Variants in FCAMR observed in about 807,000 individuals in gnomAD.
The protein encoded by FCAMR is Fc alpha and mu receptor.
Under a neutral mutation model 52.2 loss-of-function variants are expected in FCAMR, and 51 were observed. The ratio of observed to expected loss-of-function variants is 0.98; its 90% confidence interval spans 0.78 to 1.23. The LOEUF is 1.23. Ranked by LOEUF, FCAMR falls within the 50% of genes most tolerant of loss-of-function variation. The pLI is 0.00. For synonymous variants in FCAMR, 282 were observed against 262.0 expected (o/e 1.08, Z -0.74); for missense variants, 719 against 712.6 (o/e 1.01, Z -0.10).
intron 3 of FCAMR, 94 bp downstream of exon 3, chr1:206,966,958 T>C: frequency 8.0e-7 from 1 of 1,246,360 alleles, no homozygotes; most frequent in Non-Finnish European, 1.2e-6. Context: ...CCTGGACAGT[T>C]TTACCATACC....
chr1:206,958,194 C>G lies in FCAMR; in HGVS notation c.*322G>C, dbSNP rs1253974440. 2 of 243,910 alleles carry G rather than the reference C, an allele frequency of 8.2e-6. No homozygotes were observed. The highest frequency in any genetic ancestry group is 1.9e-4 in the East Asian group (2 of 10,402). 15.1% of individuals were successfully genotyped at this position (243,910 alleles called of 1,614,324 possible). ...GGGAGTGTTGATAGGGGATTTGTCA[C>G]TTTCCACACTGATTGGAAGCCTCTT... On this transcript the variant is annotated 3_prime_UTR_variant, in exon 8 of 8. Transcript: ENST00000324852.
intron 4 of FCAMR, 98 bp from the exon 5 acceptor site, chr1:206,962,649 G>A: frequency 5.1e-6 from 5 of 971,612 alleles, no homozygotes; most frequent in Non-Finnish European, 7.4e-6. Flanking sequence ...TAGGGGTCAA[G>A]TCAGAAAATA....
intron 2 of FCAMR, 101 bp from the exon 3 acceptor site, chr1:206,967,213 G>C: frequency 8.2e-7 from 1 of 1,216,216 alleles, no homozygotes; most frequent in Middle Eastern, 2.1e-4. Flanking sequence ...ATCTCGGTTT[G>C]CTCAGTGCAG....
intron 2 of FCAMR, 75 bp from the exon 3 acceptor site, chr1:206,967,187 A>G (rs1307194255): frequency 1.3e-6 from 2 of 1,483,572 alleles, no homozygotes; most frequent in African/African-American, 1.4e-5. Flanking sequence ...GAGAACAAGC[A>G]TCTTCTCACT....
intron 4 of FCAMR, among the ~76,000 whole-genome samples, chr1:206,963,934 T>C (rs1680608011): frequency 6.6e-6 from 1 of 152,208 alleles, no homozygotes; most frequent in Non-Finnish European, 1.5e-5. Flanking sequence ...TCTGCCCTGC[T>C]CTGTGGTCAT....
Position 206,967,647 on chromosome 1 carries a change from A to G in FCAMR, c.44T>C (p.Val15Ala). The G allele has an allele frequency of 1.9e-6, 3 of 1,614,014 alleles. No homozygotes were observed. The highest frequency in any genetic ancestry group is 2.2e-5 in the East Asian group (1 of 44,886). ...ATVKPGEQKEVVRRGREVDYS... is the reference protein window; with the variant it reads ...ATVKPGEQKEAVRRGREVDYS... Reference sequence around the variant, plus strand: ...GTCCACTTCTCTTCCTCTCCTCACCACTTCCTGTTTGCAGAAGGGGAATTG... The same window carrying G: ...GTCCACTTCTCTTCCTCTCCTCACCGCTTCCTGTTTGCAGAAGGGGAATTG... Residue 15 changes from valine to alanine, a missense_variant, in exon 2 of 8, where the codon GTG becomes GCG. Val to Ala is a moderately conservative substitution (Grantham distance 64). Transcript: ENST00000324852.
intron 1 of FCAMR, 136 bp downstream of exon 1, chr1:206,969,951 C>T (rs1890864): frequency 0.17 from 170,688 of 985,284 alleles, 15,664 homozygotes; most frequent in East Asian, 0.26. Context: ...ACTCTAGAAC[C>T]CTTACCTGGC....
intron 6 of FCAMR, chr1:206,960,021 G>T: frequency 3.6e-6 from 2 of 552,514 alleles, no homozygotes; most frequent in Non-Finnish European, 6.5e-6. Flanking sequence ...ATCTGTGTGT[G>T]GGCCCTGCGA....
chr1:206,962,392 G>C lies in FCAMR; in HGVS notation c.473C>G (p.Thr158Ser), dbSNP rs1680545822. The stretch of plus-strand genomic sequence containing the variant: ...ATAGCGATGGTGAGTATACTGGTTG[G>C]TGGACACAATGGTCTGGCAGATCCA... ...PRWICQTIVSTNQYTHHRYRD... is the reference protein window; with the variant it reads ...PRWICQTIVSSNQYTHHRYRD... The change falls in exon 5 of 8, where the codon ACC becomes AGC. Residue 158 changes from threonine (T) to serine (S), a missense_variant. Transcript: ENST00000324852. 6.2e-7 allele frequency: 1 copy of C among 1,614,082 alleles called. No homozygotes were observed. The highest frequency in any genetic ancestry group is 8.5e-7 in the Non-Finnish European group (1 of 1,180,028).
Position 206,960,645 on chromosome 1 carries a change from G to A in FCAMR, c.1231C>T (p.Pro411Ser). The change falls in exon 6 of 8, where the codon CCA becomes TCA. Residue 411 changes from proline (P) to serine (S), a missense_variant. By Grantham distance (74) the Pro-to-Ser change is moderately conservative. Transcript: ENST00000324852. ...CCCAAGGTCCACATGCCTGCAGCTG[G>A]AGTTGTTTCTCCAATGGAACCCTGA... is the stretch of plus-strand genomic sequence containing the variant. Reference protein sequence around the residue: ...QSQGSIGETTPAAGMWTLGTP... With the variant: ...QSQGSIGETTSAAGMWTLGTP... 6.4e-7 allele frequency: 1 copy of A among 1,551,980 alleles called. No individual in the cohort carries two copies. The highest frequency in any genetic ancestry group is 8.7e-7 in the Non-Finnish European group (1 of 1,147,046).
In FCAMR at chr1:206,967,781, C is replaced by T. The variant is rs1459186284; in HGVS notation, c.40-130G>A. On this transcript the variant is annotated intron_variant, in intron 1 of 7. Coordinates refer to ENST00000324852, the MANE Select transcript of FCAMR (RefSeq NM_001170631.2). ...TAGCTCTCTGCACTAGGGTGCTATT[C>T]TGTTTCTTCTCCACAACTTCTAGAA... 1.5e-5 allele frequency: 12 copies of T among 781,130 alleles called. No homozygotes were observed. The East Asian group carries it at 1.8e-4, about 12-fold the overall frequency. The allele number at this position is 781,130 out of a possible 1,614,324, so 48.4% of individuals were successfully genotyped here. A position where few individuals can be genotyped will look rare whatever the true frequency, so the allele number is the denominator to read the frequency against.
At position 206,958,445 on chromosome 1, in the gene FCAMR, G is replaced by C; in HGVS notation, c.*71C>G. 2.1e-6 allele frequency: 3 copies of C among 1,457,164 alleles called. No homozygotes were observed. Among genetic ancestry groups the C allele is most frequent in the Non-Finnish European group, 2.8e-6 (3 of 1,087,314 alleles). 90.3% of individuals were successfully genotyped at this position (1,457,164 alleles called of 1,614,324 possible). ...AGGTGGAGGAAGGATGATGGAAAGA[G>C]GCTGGGGTCCTGAAGGCCTTTGATC... On this transcript the variant is annotated 3_prime_UTR_variant, in exon 8 of 8. Coordinates refer to ENST00000324852, the MANE Select transcript of FCAMR (RefSeq NM_001170631.2).
rs1363441394 is a variant in FCAMR, at chr1:206,961,190, G to A, written c.686C>T (p.Ala229Val). 6.4e-7 allele frequency: 1 copy of A among 1,551,024 alleles called. No homozygotes were observed. Among genetic ancestry groups the A allele is most frequent in the Admixed American group, 2.0e-5 (1 of 50,970 alleles). Residue 229 changes from alanine to valine, a missense_variant, in exon 6 of 8, where the codon GCT becomes GTT. Transcript: ENST00000324852. ...GGATCTCATGGTGAGCTCCCCAGCA[G>A]CTGGAGTGGCTGTGGGGAGGGTGCT... The part of the protein sequence containing the change: ...PASTLPTATP[A>V]AGELTMRSYG...
In FCAMR at chr1:206,960,601, C is replaced by T; in HGVS notation, c.1275G>A (p.Val425=). The T allele has an allele frequency of 1.3e-6, 2 of 1,551,864 alleles. No homozygotes were observed. Among genetic ancestry groups the T allele is most frequent in the Non-Finnish European group, 1.7e-6 (2 of 1,147,024 alleles). Residue 425 remains valine (V), a synonymous_variant, in exon 6 of 8, where the codon GTG becomes GTA. Transcript: ENST00000324852. The part of the protein sequence containing the change: ...MWTLGTPAAD[V]WILGTPAADV... ...CTGCAGCTGGAGTTCCCAAGATCCA[C>T]ACATCTGCAGCTGGAGTTCCCAAGG...
Position 206,958,555 on chromosome 1 carries a change from C to T in FCAMR, c.1695G>A (p.Gly565=). ...KMLQDDSLPA[G]ASLTAPERNP... The stretch of plus-strand genomic sequence containing the variant: ...TTCTCTCTGGGGCAGTCAGGCTGGC[C>T]CCAGCAGGAAGAGAGTCATCCTGGA... Residue 565 remains glycine (G), a synonymous_variant, in exon 8 of 8, where the codon GGG becomes GGA. Transcript: ENST00000324852. 6.2e-7 allele frequency: 1 copy of T among 1,613,156 alleles called. No homozygotes were observed. Among genetic ancestry groups the T allele is most frequent in the Non-Finnish European group, 8.5e-7 (1 of 1,179,864 alleles).
intron 3 of FCAMR, among the ~76,000 whole-genome samples, 180 bp downstream of exon 3, chr1:206,966,872 G>A (rs1298120400): frequency 6.6e-6 from 1 of 152,140 alleles, no homozygotes; most frequent in East Asian, 1.9e-4. Flanking sequence ...GTTCCTCAAT[G>A]GTTCCCTATT....
At chr1:206,970,006 C>T (rs1680872095) in intron 1 of FCAMR, 81 bp downstream of exon 1, 1 of 1,556,252 alleles carries the variant, frequency 6.4e-7, no homozygotes, top group African/African-American at 1.4e-5. Flanking sequence ...CACTGAGGAG[C>T]ATGTGTGACA....
At chr1:206,966,854 C>T (rs139339113) in intron 3 of FCAMR, among the ~76,000 whole-genome samples, 198 bp downstream of exon 3, 397 of 152,328 alleles carry the variant, frequency 2.6e-3, no homozygotes, top group Middle Eastern at 6.8e-3. Context: ...TTGGCGCATA[C>T]TCACTATGTT....
At position 206,970,173 on chromosome 1, in the gene FCAMR, A is replaced by G. The variant is rs763941590; in HGVS notation, c.-48T>C. 3 of 1,608,958 alleles carry G rather than the reference A, an allele frequency of 1.9e-6. No homozygotes were observed. The highest frequency in any genetic ancestry group is 2.6e-6 in the Non-Finnish European group (3 of 1,176,084). ...GGTGGACTTTTCTTCTCCTTATGAG[A>G]TGCAGGTGTTTGGACGACTTCTAGT... On this transcript the variant is annotated 5_prime_UTR_variant, in exon 1 of 8. Coordinates refer to ENST00000324852, the MANE Select transcript of FCAMR (RefSeq NM_001170631.2).
Sources: allele counts gnomAD v4.1 joint callset (sites outside exome capture counted in the v4.1 genomes callset), GRCh38; gene constraint gnomAD v4.1.1; transcripts MANE v1.5; gene names NCBI Gene and HGNC (gene_info 2026-07-23, HGNC 2026-07-21).